Variants in SLC9A9 observed in about 807,000 individuals in gnomAD.
SLC9A9 encodes the protein sodium/hydrogen exchanger 9.
SLC9A9 carries 62 observed loss-of-function variants against 77.8 expected under a neutral mutation model. The ratio of observed to expected loss-of-function variants is 0.80; its 90% CI spans 0.65 to 0.98. The LOEUF is 0.98. SLC9A9 is among the 50% of genes least tolerant of loss of function. The pLI is 0.00. For synonymous variants in SLC9A9, 320 were observed against 283.5 expected, an observed-to-expected ratio of 1.13 and a Z score of -1.29; for missense variants, 775 against 774.9, an observed-to-expected ratio of 1.00 and a Z score of 0.00.
chr3:143,622,344 A>T (rs1303619734), intron 6 of SLC9A9, among the ~76,000 whole-genome samples: 6 of 152,222 alleles, frequency 3.9e-5, no homozygotes, highest in African/African-American at 1.2e-4. Flanking sequence ...TGAAGGAAAA[A>T]ATGTTAAGGG....
chr3:143,691,310 T>C (rs1458667892), intron 5 of SLC9A9, among the ~76,000 whole-genome samples: 2 of 152,026 alleles, frequency 1.3e-5, no homozygotes, highest in African/African-American at 2.4e-5. Flanking sequence ...GCTTAAGTGA[T>C]CCTCCCAACT....
At chr3:143,512,627 C>G (rs1195552382) in intron 9 of SLC9A9, among the ~76,000 whole-genome samples, 2 of 152,194 alleles carry the variant, frequency 1.3e-5, no homozygotes, top group Non-Finnish European at 2.9e-5. Flanking sequence ...CCTGTAATCC[C>G]AGCACTTTGG....
At chr3:143,794,964 A>G (rs772631488) in intron 4 of SLC9A9, 37 bp downstream of exon 4, 46 of 1,591,176 alleles carry the variant, frequency 2.9e-5, no homozygotes, top group South Asian at 2.5e-4. Flanking sequence ...CACAGACCCC[A>G]CAGCCACCTG....
chr3:143,319,930 G>T (rs547629696), intron 14 of SLC9A9, among the ~76,000 whole-genome samples: 1 of 152,264 alleles, frequency 6.6e-6, no homozygotes, highest in South Asian at 2.1e-4. Context: ...AGTCTTCAGC[G>T]TTTTGTTCCT....
intron 12 of SLC9A9, among the ~76,000 whole-genome samples, chr3:143,443,534 A>G (rs1042868525): frequency 6.6e-6 from 1 of 152,178 alleles, no homozygotes; most frequent in African/African-American, 2.4e-5. Flanking sequence ...CAGGTAAGGG[A>G]TCATAGTAGT....
chr3:143,432,126 C>T lies in SLC9A9; in HGVS notation c.1469+34911G>A, dbSNP rs573102968. 3.1e-4 allele frequency among the ~76,000 whole-genome samples: 47 copies of T among 152,266 alleles called. 1 individual carries two copies. In the South Asian group the frequency reaches 7.7e-3, roughly 25 times the overall value. On this transcript the variant is annotated intron_variant, in intron 12 of 15. Coordinates refer to ENST00000316549, the MANE Select transcript of SLC9A9 (RefSeq NM_173653.4). The stretch of plus-strand genomic sequence containing the variant: ...GCCCATTTGTTAAGCTAATTTCTCA[C>T]GGCTTATTTTCTCTTGCCAAAATGA...
chr3:143,273,048 C>T (rs1173460729), intron 14 of SLC9A9, among the ~76,000 whole-genome samples: 1 of 152,232 alleles, frequency 6.6e-6, no homozygotes, highest in African/African-American at 2.4e-5. Flanking sequence ...TCCAAAATAC[C>T]TGGTGACATT....
intron 9 of SLC9A9, among the ~76,000 whole-genome samples, chr3:143,545,818 T>C (rs1018608148): frequency 2.6e-5 from 4 of 152,208 alleles, no homozygotes; most frequent in Non-Finnish European, 5.9e-5. Context: ...TACCCAGTGA[T>C]TTGGCCTCAA....
At chr3:143,715,160 T>A (rs1160238766) in intron 4 of SLC9A9, among the ~76,000 whole-genome samples, 1 of 151,154 alleles carries the variant, frequency 6.6e-6, no homozygotes, top group Non-Finnish European at 1.5e-5. Flanking sequence ...TAAGTCTTTA[T>A]CAGCAGTGTG....
At chr3:143,599,327 C>T (rs185005781) in intron 6 of SLC9A9, among the ~76,000 whole-genome samples, 49 of 152,266 alleles carry the variant, frequency 3.2e-4, no homozygotes, top group Admixed American at 1.6e-3. Context: ...CAGTATAAAA[C>T]GCCAAATGCT....
chr3:143,384,461 G>A (rs2033374685), intron 12 of SLC9A9, among the ~76,000 whole-genome samples: 1 of 152,184 alleles, frequency 6.6e-6, no homozygotes, highest in Non-Finnish European at 1.5e-5. Flanking sequence ...TATCTGCTTA[G>A]GGCCTTTTTC....
chr3:143,681,213 T>G (rs191201577), intron 5 of SLC9A9, among the ~76,000 whole-genome samples: 205 of 152,334 alleles, frequency 1.3e-3, no homozygotes, highest in African/African-American at 4.4e-3. Flanking sequence ...AATAAAACCT[T>G]CTTGAATTAT....
intron 9 of SLC9A9, chr3:143,517,109 T>A (rs754999387): frequency 2.0e-4 from 304 of 1,502,888 alleles, no homozygotes; most frequent in Non-Finnish European, 2.7e-4. Flanking sequence ...GCTTTATTTA[T>A]CAGAAGGGCA....
chr3:143,459,266 C>T (rs2035148220), intron 12 of SLC9A9, among the ~76,000 whole-genome samples: 1 of 151,758 alleles, frequency 6.6e-6, no homozygotes, highest in African/African-American at 2.4e-5. Context: ...AAGATTTTTC[C>T]TGGATCTTGT....
intron 7 of SLC9A9, among the ~76,000 whole-genome samples, chr3:143,576,145 C>T (rs2037354944): frequency 6.6e-6 from 1 of 152,224 alleles, no homozygotes; most frequent in African/African-American, 2.4e-5. Flanking sequence ...GCCTCCAGAG[C>T]CCAAAAGCCT....
At chr3:143,430,438 C>T (rs2034491746) in intron 12 of SLC9A9, among the ~76,000 whole-genome samples, 1 of 152,170 alleles carries the variant, frequency 6.6e-6, no homozygotes, top group Non-Finnish European at 1.5e-5. Flanking sequence ...GAGGCAGATT[C>T]CATTGCTGGC....
intron 14 of SLC9A9, among the ~76,000 whole-genome samples, chr3:143,316,763 A>G (rs1483264008): frequency 6.6e-6 from 1 of 152,228 alleles, no homozygotes; most frequent in Admixed American, 6.5e-5. Context: ...AATGAGAAGG[A>G]AAAACATATT....
intron 4 of SLC9A9, among the ~76,000 whole-genome samples, chr3:143,791,783 G>T (rs1161761329): frequency 1.3e-5 from 2 of 152,132 alleles, no homozygotes; most frequent in Non-Finnish European, 2.9e-5. Context: ...ATGCAAATCT[G>T]CGTATATCTG....
chr3:143,462,154 C>T lies in SLC9A9; in HGVS notation c.1469+4883G>A, dbSNP rs1487456378. Among the ~76,000 whole-genome samples, 3 of 152,068 alleles carry T rather than the reference C, an allele frequency of 2.0e-5. No homozygotes were observed. In the East Asian group the frequency reaches 5.8e-4, roughly 29 times the overall value. The stretch of plus-strand genomic sequence containing the variant: ...GTTTGGGGTTGGAGGATTGCTTGAG[C>T]TCAGGAGTTTGAGATCAGCTTGGGC... On this transcript the variant is annotated intron_variant, in intron 12 of 15. Transcript: ENST00000316549.
Sources: allele counts gnomAD v4.1 joint callset (sites outside exome capture counted in the v4.1 genomes callset), GRCh38; gene constraint gnomAD v4.1.1; transcripts MANE v1.5; gene names NCBI Gene and HGNC (gene_info 2026-07-23, HGNC 2026-07-21).